Variants in ESF1 observed in about 807,000 individuals in gnomAD.
ESF1 encodes ESF1 homolog.
ESF1 carries 58 observed loss-of-function variants against 92.0 expected under a neutral mutation model. The observed-to-expected ratio is 0.63, with a 90% CI of 0.51 to 0.78. The LOEUF (loss-of-function observed/expected upper bound fraction) is 0.78, where lower values mean the gene tolerates loss of function less well. ESF1 is among the 30% of genes least tolerant of loss of function. The pLI is 0.00. For missense variants in ESF1, 922 were observed against 989.1 expected (o/e 0.93, Z 0.91); for synonymous variants, 321 against 313.7 (o/e 1.02, Z -0.24).
At chr20:13,756,122 T>G (rs1214499204) in intron 9 of ESF1, among the ~76,000 whole-genome samples, 1 of 152,220 alleles carries the variant, frequency 6.6e-6, no homozygotes, top group East Asian at 1.9e-4. Flanking sequence ...ATGAAAGTAC[T>G]TTGTAGTTTA....
At chr20:13,739,151 A>G (rs1000151567) in intron 9 of ESF1, among the ~76,000 whole-genome samples, 1 of 152,234 alleles carries the variant, frequency 6.6e-6, no homozygotes, top group Non-Finnish European at 1.5e-5. Context: ...AAGCATCCAT[A>G]GAAAATATGC....
At chr20:13,716,868 A>C (rs1410782237) in intron 13 of ESF1, among the ~76,000 whole-genome samples, 1 of 123,776 alleles carries the variant, frequency 8.1e-6, no homozygotes, top group Non-Finnish European at 1.6e-5. Context: ...CCTGGGCTGG[A>C]GTGCAGTGGC....
intron 11 of ESF1, among the ~76,000 whole-genome samples, chr20:13,720,120 T>C (rs553245232): frequency 6.6e-6 from 1 of 152,160 alleles, no homozygotes; most frequent in Non-Finnish European, 1.5e-5. Context: ...CAGTTCCTAT[T>C]TGGAACATGA....
intron 10 of ESF1, among the ~76,000 whole-genome samples, chr20:13,731,854 C>T (rs372862912): frequency 4.6e-5 from 7 of 152,318 alleles, no homozygotes; most frequent in East Asian, 3.9e-4. Flanking sequence ...CATAAAAACC[C>T]GAGAAACGAG....
intron 9 of ESF1, 35 bp downstream of exon 9, chr20:13,759,657 C>T (rs778652741): frequency 5.1e-6 from 8 of 1,561,786 alleles, no homozygotes; most frequent in Middle Eastern, 2.2e-4. Context: ...TGCTGAAATT[C>T]GAAAAAGAGA....
intron 10 of ESF1, among the ~76,000 whole-genome samples, chr20:13,731,188 C>T (rs1044552155): frequency 1.3e-5 from 2 of 152,152 alleles, no homozygotes; most frequent in Non-Finnish European, 2.9e-5. Context: ...CTCAGAATGA[C>T]TACTTTATTG....
intron 2 of ESF1, among the ~76,000 whole-genome samples, chr20:13,777,285 T>C (rs78785789): frequency 0.029 from 4,429 of 152,218 alleles, 143 homozygotes; most frequent in South Asian, 0.17. Flanking sequence ...ACACGGGGAC[T>C]GGGAGTTTTG....
chr20:13,767,814 C>G (rs563153085), intron 7 of ESF1, among the ~76,000 whole-genome samples: 1 of 152,300 alleles, frequency 6.6e-6, no homozygotes, highest in East Asian at 1.9e-4. Context: ...ATATAAGGCC[C>G]TGCCAGATAT....
chr20:13,759,762 C>T lies in ESF1; in HGVS notation c.1758G>A (p.Leu586=). Residue 586 remains leucine (L), a synonymous_variant, in exon 9 of 14, where the codon TTG becomes TTA. Transcript: ENST00000617257. The part of the protein sequence containing the change: ...EEQIAKYRQL[L]QVIQEKEKKG... ...TCTTTTCTTTTTCTTGAATAACCTG[C>T]AAGAGCTGCCTGTATTTAGCAATTT... 1 of 1,572,622 alleles carries T rather than the reference C, an allele frequency of 6.4e-7. No individual in the cohort carries two copies. The highest frequency in any genetic ancestry group is 1.2e-5 in the South Asian group (1 of 84,452).
At chr20:13,769,875 C>A in intron 7 of ESF1, 32 bp downstream of exon 7, 1 of 1,314,706 alleles carries the variant, frequency 7.6e-7, no homozygotes, top group Non-Finnish European at 1.1e-6. Context: ...GCAATAGAGT[C>A]CAGCTACATA....
At chr20:13,753,435 G>C (rs1037907508) in intron 9 of ESF1, among the ~76,000 whole-genome samples, 13 of 148,488 alleles carry the variant, frequency 8.8e-5, no homozygotes, top group Non-Finnish European at 1.9e-4. Context: ...ATATTTTCAG[G>C]CTATACTAGA....
At chr20:13,716,803 G>GGTTTTTTT (rs2049829651) in intron 13 of ESF1, among the ~76,000 whole-genome samples, 1 of 58,462 alleles carries the variant, frequency 1.7e-5, no homozygotes, top group African/African-American at 6.1e-5. Context: ...ACTATACCTG[G>GGTTTTTTT]ATTTTTTTTT....
chr20:13,735,972 A>C (rs187933830), intron 9 of ESF1, among the ~76,000 whole-genome samples: 14 of 152,246 alleles, frequency 9.2e-5, no homozygotes, highest in African/African-American at 3.1e-4. Flanking sequence ...CTTGCATCCA[A>C]TGTTCAGGAG....
At chr20:13,773,651 C>T (rs1035980199) in intron 4 of ESF1, among the ~76,000 whole-genome samples, 4 of 152,050 alleles carry the variant, frequency 2.6e-5, no homozygotes, top group African/African-American at 9.7e-5. Flanking sequence ...ACCAATTTGT[C>T]CCATTTTTAC....
intron 8 of ESF1, among the ~76,000 whole-genome samples, chr20:13,760,676 CCT>C (rs1979140704): frequency 6.6e-6 from 1 of 151,692 alleles, no homozygotes; most frequent in Non-Finnish European, 1.5e-5. Flanking sequence ...GGGGTCAGCC[CCT>C]GCCAGGCCAG....
At position 13,728,476 on chromosome 20, in the gene ESF1, G is replaced by T. The variant is rs201447091; in HGVS notation, c.1951-11C>A. The stretch of plus-strand genomic sequence containing the variant: ...CTCTTCAGCAAGAGCCTTAAAAGTT[G>T]AATATAAAAATACAAAATTTCATTA... On this transcript the variant is annotated splice_polypyrimidine_tract_variant and intron_variant, in intron 10 of 13. Transcript: ENST00000617257. The T allele has an allele frequency of 1.3e-3, 2,030 of 1,573,762 alleles. No individual in the cohort carries two copies. The highest frequency in any genetic ancestry group is 1.7e-3 in the Non-Finnish European group (1,915 of 1,159,270).
intron 2 of ESF1, among the ~76,000 whole-genome samples, chr20:13,779,030 A>T (rs1487053656): frequency 6.6e-6 from 1 of 152,154 alleles, no homozygotes; most frequent in African/African-American, 2.4e-5. Flanking sequence ...TGGGCAGCAG[A>T]GCGAGACCCT....
chr20:13,779,934 A>G (rs1466597365), intron 2 of ESF1, among the ~76,000 whole-genome samples: 1 of 152,248 alleles, frequency 6.6e-6, no homozygotes, highest in Non-Finnish European at 1.5e-5. Context: ...AGTGCTGGGC[A>G]TGAACATTTC....
chr20:13,730,501 A>G (rs987201946), intron 10 of ESF1, among the ~76,000 whole-genome samples: 2 of 149,728 alleles, frequency 1.3e-5, no homozygotes, highest in Non-Finnish European at 1.5e-5. Context: ...CTCCTGTCTC[A>G]GCCTCCCAAG....
Sources: gnomAD v4.1 joint callset for allele counts (sites outside exome capture counted in the v4.1 genomes callset) on GRCh38, gnomAD v4.1.1 for gene constraint, MANE v1.5 for transcripts, NCBI Gene and HGNC (gene_info 2026-07-23, HGNC 2026-07-21) for gene names.